The following SYT17 variants were observed in gnomAD, a reference collection of about 807,000 sequenced individuals.
SYT17 encodes synaptotagmin 17, also known as synaptotagmin-17.
In SYT17, 22 loss-of-function variants were observed where a neutral mutation model predicts 46.7. The observed-to-expected ratio is 0.47, with a 90% confidence interval of 0.34 to 0.67. The LOEUF is 0.67. Among genes scored for constraint, SYT17 ranks in the 30% least tolerant of loss-of-function variants. The pLI is 0.01. For missense variants in SYT17, 519 were observed against 612.8 expected (o/e 0.85, Z 1.62); for synonymous variants, 251 against 248.4 (o/e 1.01, Z -0.10).
intron 5 of SYT17, among the ~76,000 whole-genome samples, chr16:19,221,028 A>G (rs1433987450): frequency 6.9e-6 from 1 of 144,114 alleles, no homozygotes; most frequent in Non-Finnish European, 1.5e-5. Flanking sequence ...CTCAACTCTT[A>G]AAAAAAAAAA....
chr16:19,181,333 A>G (rs75202929), intron 4 of SYT17, among the ~76,000 whole-genome samples: 2,939 of 152,280 alleles, frequency 0.019, 102 homozygotes, highest in African/African-American at 0.066. Context: ...TCTGCTCCAC[A>G]AAAGTATCTC....
chr16:19,237,135 CAA>C (rs1266083519), intron 7 of SYT17, among the ~76,000 whole-genome samples: 1 of 152,196 alleles, frequency 6.6e-6, no homozygotes, highest in Non-Finnish European at 1.5e-5. Flanking sequence ...AGCAACCGTG[CAA>C]AGTCATCCAG....
chr16:19,248,673 T>G (rs1967780698), intron 7 of SYT17, among the ~76,000 whole-genome samples: 1 of 151,932 alleles, frequency 6.6e-6, no homozygotes, highest in African/African-American at 2.4e-5. Flanking sequence ...ATACAAAAAA[T>G]TAGCTGGGCA....
intron 5 of SYT17, among the ~76,000 whole-genome samples, chr16:19,209,957 T>C (rs558450771): frequency 6.6e-6 from 1 of 152,276 alleles, no homozygotes; most frequent in Admixed American, 6.5e-5. Context: ...AAATGGTTAA[T>C]ATAAGTTACA....
rs558896965 is a variant in SYT17 at position 19,221,791 on chromosome 16, C to T, written c.952-1254C>T. On this transcript the variant is annotated intron_variant, in intron 5 of 7. Transcript: ENST00000355377. The stretch of plus-strand genomic sequence containing the variant: ...TAGACATAGATAAATAGATGACTGA[C>T]AGATAATAGATGGTTAGATTATAGA... 3.9e-5 allele frequency among the ~76,000 whole-genome samples: 6 copies of T among 152,164 alleles called. No homozygotes were observed. In the South Asian group the frequency reaches 1.2e-3, roughly 32 times the overall value.
At chr16:19,243,637 G>A (rs1390337610) in intron 7 of SYT17, among the ~76,000 whole-genome samples, 1 of 151,848 alleles carries the variant, frequency 6.6e-6, no homozygotes, top group Non-Finnish European at 1.5e-5. Flanking sequence ...TGACCAACCT[G>A]GAGAAGCCCT....
At chr16:19,187,763 G>A (rs1964842747) in intron 5 of SYT17, among the ~76,000 whole-genome samples, 1 of 152,148 alleles carries the variant, frequency 6.6e-6, no homozygotes, top group African/African-American at 2.4e-5. Flanking sequence ...TTAGAGAAAT[G>A]CAAATCAACA....
chr16:19,213,585 A>G (rs1347909623), intron 5 of SYT17, among the ~76,000 whole-genome samples: 1 of 152,240 alleles, frequency 6.6e-6, no homozygotes, highest in South Asian at 2.1e-4. Flanking sequence ...TTCTCGCATC[A>G]GATAGCCTCA....
chr16:19,212,080 T>C (rs1368312939), intron 5 of SYT17, among the ~76,000 whole-genome samples: 1 of 152,210 alleles, frequency 6.6e-6, no homozygotes, highest in Non-Finnish European at 1.5e-5. Context: ...GGGTGATTTT[T>C]GCCCTCAGTG....
At chr16:19,259,050 G>A (rs1240884315) in intron 7 of SYT17, among the ~76,000 whole-genome samples, 1 of 152,124 alleles carries the variant, frequency 6.6e-6, no homozygotes, top group Non-Finnish European at 1.5e-5. Context: ...GGTAAGTTGG[G>A]TCTCAAATTC....
intron 5 of SYT17, among the ~76,000 whole-genome samples, chr16:19,215,989 C>T (rs372454875): frequency 4.6e-5 from 7 of 152,200 alleles, no homozygotes; most frequent in South Asian, 2.1e-4. Context: ...TTCACTATCA[C>T]GGGAACAACA....
intron 7 of SYT17, among the ~76,000 whole-genome samples, chr16:19,231,350 C>G (rs1966674811): frequency 6.6e-6 from 1 of 151,852 alleles, no homozygotes; most frequent in Admixed American, 6.6e-5. Context: ...GCGGGTGGAT[C>G]ACCTGAGGTC....
intron 3 of SYT17, 81 bp from the exon 4 acceptor site, chr16:19,180,310 T>TG: frequency 1.3e-6 from 2 of 1,513,396 alleles, no homozygotes; most frequent in Non-Finnish European, 1.8e-6. Flanking sequence ...GGTTTCATCG[T>TG]GGGTCTTAAC....
At chr16:19,259,407 A>G (rs1279760175) in intron 7 of SYT17, among the ~76,000 whole-genome samples, 1 of 152,202 alleles carries the variant, frequency 6.6e-6, no homozygotes, top group Non-Finnish European at 1.5e-5. Context: ...AATTATAAAA[A>G]TAAATGATCA....
intron 7 of SYT17, chr16:19,250,088 G>T: frequency 6.6e-7 from 1 of 1,507,052 alleles, no homozygotes; most frequent in Non-Finnish European, 8.8e-7. Flanking sequence ...AGTTGGTTGT[G>T]TGTCTGGTTG....
At chr16:19,174,962 C>T (rs866582355) in intron 3 of SYT17, among the ~76,000 whole-genome samples, 10 of 151,854 alleles carry the variant, frequency 6.6e-5, no homozygotes, top group South Asian at 2.1e-4. Context: ...TGCCCCATCT[C>T]GACAAAACAT....
Position 19,224,619 on chromosome 16 carries a change from G to A in SYT17, c.1073-64G>A, listed in dbSNP as rs1966435607. ...CAGATGGATGGGAGGTTGAATGGCA[G>A]AATGACTGGACGGATTAGGTTTCAT... On this transcript the variant is annotated intron_variant, in intron 6 of 7. Coordinates refer to ENST00000355377, the MANE Select transcript of SYT17 (RefSeq NM_016524.4). 1.9e-6 allele frequency: 3 copies of A among 1,563,012 alleles called. No individual in the cohort carries two copies. The South Asian group carries it at 3.4e-5, about 18-fold the overall frequency.
intron 7 of SYT17, among the ~76,000 whole-genome samples, chr16:19,262,335 A>T (rs1254118327): frequency 6.6e-6 from 1 of 152,178 alleles, no homozygotes; most frequent in Non-Finnish European, 1.5e-5. Context: ...CTTCTATTGC[A>T]TGAGAAGGCA....
At chr16:19,260,867 T>C (rs1343055322) in intron 7 of SYT17, among the ~76,000 whole-genome samples, 1 of 152,216 alleles carries the variant, frequency 6.6e-6, no homozygotes, top group East Asian at 1.9e-4. Flanking sequence ...AGGAATTGGC[T>C]TCATTCACAG....
Sources: allele counts gnomAD v4.1 joint callset (sites outside exome capture counted in the v4.1 genomes callset), GRCh38; gene constraint gnomAD v4.1.1; transcripts MANE v1.5; gene names NCBI Gene and HGNC (gene_info 2026-07-23, HGNC 2026-07-21).